ATOSA: variants seen among roughly 807,000 people sequenced by gnomAD.
ATOSA encodes the protein atos homolog A.
At chr15:52,646,268 G>C in the ATOSA span, among the ~76,000 whole-genome samples, 1 of 152,186 alleles carries the variant, frequency 6.6e-6, no homozygotes, top group East Asian at 1.9e-4. Context: ...AGAAACTTGG[G>C]CACACACAGA....
At chr15:52,595,279 T>C in the ATOSA span, among the ~76,000 whole-genome samples, 2 of 152,338 alleles carry the variant, frequency 1.3e-5, no homozygotes, top group East Asian at 1.9e-4. Context: ...CCTTCTCCAG[T>C]AGACAATAAA....
chr15:52,671,868 T>G, the ATOSA span, among the ~76,000 whole-genome samples: 3 of 150,670 alleles, frequency 2.0e-5, no homozygotes, highest in African/African-American at 7.3e-5. Flanking sequence ...AGGCAGCTAG[T>G]GGGGCTGGAT....
chr15:52,597,863 G>A, the ATOSA span, among the ~76,000 whole-genome samples: 3 of 152,192 alleles, frequency 2.0e-5, no homozygotes, highest in African/African-American at 7.2e-5. Flanking sequence ...GGTGGCTTAT[G>A]CCTGTAATCC....
chr15:52,613,885 T>A, the ATOSA span: 1 of 1,590,168 alleles, frequency 6.3e-7, no homozygotes, highest in South Asian at 1.1e-5. Flanking sequence ...CAAAGGGTCC[T>A]CAATTTAATG....
chr15:52,679,811 C>T, the ATOSA span, among the ~76,000 whole-genome samples: 1 of 112,630 alleles, frequency 8.9e-6, no homozygotes, highest in Non-Finnish European at 1.8e-5. Flanking sequence ...CCCCCTCCTT[C>T]CCCCCCTCCT....
the ATOSA span, among the ~76,000 whole-genome samples, chr15:52,663,170 G>A: frequency 2.6e-5 from 4 of 152,114 alleles, no homozygotes; most frequent in African/African-American, 9.7e-5. Flanking sequence ...CCTCTGATCA[G>A]AATGTCCTTC....
the ATOSA span, chr15:52,605,090 T>A: frequency 8.2e-7 from 1 of 1,221,840 alleles, no homozygotes; most frequent in Non-Finnish European, 1.2e-6. Flanking sequence ...ACCTTTCAGA[T>A]GTATGTAAGT....
At chr15:52,609,607 G>A in the ATOSA span, 1 of 1,612,772 alleles carries the variant, frequency 6.2e-7, no homozygotes, top group Non-Finnish European at 8.5e-7. Flanking sequence ...GTCTTCTGGG[G>A]AACTAAACTC....
the ATOSA span, among the ~76,000 whole-genome samples, chr15:52,660,707 A>G: frequency 6.6e-6 from 1 of 152,168 alleles, no homozygotes; most frequent in Non-Finnish European, 1.5e-5. Context: ...GCTGGAGTGC[A>G]ATGGCTCGAT....
chr15:52,682,741 C>T, the ATOSA span, among the ~76,000 whole-genome samples: 1 of 152,122 alleles, frequency 6.6e-6, no homozygotes. Context: ...TAAATCTGTT[C>T]TTGCAAAGTT....
chr15:52,590,809 T>A, the ATOSA span: 1 of 152,230 alleles, frequency 6.6e-6, no homozygotes, highest in Non-Finnish European at 1.5e-5. Flanking sequence ...ATACAGACTA[T>A]TTTTTGAAAA....
chr15:52,636,568 G>A, the ATOSA span, among the ~76,000 whole-genome samples: 1 of 152,198 alleles, frequency 6.6e-6, no homozygotes, highest in Non-Finnish European at 1.5e-5. Context: ...AGCAAGCCAG[G>A]AAGAGTGCCT....
the ATOSA span, among the ~76,000 whole-genome samples, chr15:52,679,924 G>T: frequency 2.7e-5 from 4 of 150,870 alleles, no homozygotes; most frequent in African/African-American, 7.3e-5. Flanking sequence ...GACCGGGACG[G>T]GGGGTGGGCA....
chr15:52,655,729 T>C, the ATOSA span, among the ~76,000 whole-genome samples: 5 of 152,138 alleles, frequency 3.3e-5, no homozygotes, highest in African/African-American at 1.2e-4. Context: ...TCAGATATGG[T>C]AGTGTAAACA....
At chr15:52,631,868 G>A in the ATOSA span, among the ~76,000 whole-genome samples, 2 of 152,158 alleles carry the variant, frequency 1.3e-5, no homozygotes, top group Non-Finnish European at 2.9e-5. Context: ...CTCCCAAGTA[G>A]CTAGGACTAC....
At chr15:52,651,932 T>A in the ATOSA span, 3 of 1,535,426 alleles carry the variant, frequency 2.0e-6, no homozygotes, top group Non-Finnish European at 2.6e-6. Context: ...TAAAGGAAGT[T>A]GCCTTCTGGC....
chr15:52,618,314 C>T, the ATOSA span, among the ~76,000 whole-genome samples: 1 of 152,216 alleles, frequency 6.6e-6, no homozygotes, highest in Admixed American at 6.5e-5. Flanking sequence ...GCTGGGATTA[C>T]AGGTGTGTGC....
At chr15:52,638,343 A>G in the ATOSA span, among the ~76,000 whole-genome samples, 1 of 152,222 alleles carries the variant, frequency 6.6e-6, no homozygotes, top group Non-Finnish European at 1.5e-5. Flanking sequence ...GCCAGAAAAA[A>G]TACATATCCT....
At chr15:52,642,082 A>G in the ATOSA span, among the ~76,000 whole-genome samples, 1 of 152,106 alleles carries the variant, frequency 6.6e-6, no homozygotes, top group East Asian at 1.9e-4. Context: ...ATTTTGTGTT[A>G]TTATGAAATC....
Sources: gnomAD v4.1 joint callset for allele counts (sites outside exome capture counted in the v4.1 genomes callset) on GRCh38, gnomAD v4.1.1 for gene constraint, MANE v1.5 for transcripts, NCBI Gene and HGNC (gene_info 2026-07-23, HGNC 2026-07-21) for gene names.